Variants in UBA6 observed in about 807,000 individuals in gnomAD.
UBA6 encodes ubiquitin-like modifier-activating enzyme 6.
In UBA6, 87 loss-of-function variants were observed where a neutral mutation model predicts 148.3. The observed-to-expected ratio is 0.59, with a 90% CI of 0.49 to 0.70. The LOEUF (loss-of-function observed/expected upper bound fraction) is 0.70, where lower values mean the gene tolerates loss of function less well. Ranked by LOEUF, UBA6 falls within the 30% of genes least tolerant of loss-of-function variation. The probability of loss-of-function intolerance (pLI) is 0.00; values close to 1 mark genes in which losing one functional copy is unlikely to be tolerated. For synonymous variants in UBA6, 376 were observed against 401.0 expected, an observed-to-expected ratio of 0.94 and a Z score of 0.75; for missense variants, 1,186 against 1,241.2, an observed-to-expected ratio of 0.96 and a Z score of 0.67.
chr4:67,631,703 CTTACA>C lies in UBA6; in HGVS notation c.2258_2258+4del. The stretch of plus-strand genomic sequence containing the variant: ...GGATACATAAAACTAAATATAAATA[CTTACA>C]AAGGCTCATTTAAATCAAATTTTAT... On this transcript the variant is annotated splice_donor_variant and splice_donor_region_variant and coding_sequence_variant and intron_variant, in exon 25 of 33. Transcript: ENST00000322244. LOFTEE classifies it high-confidence loss of function. 1 of 1,596,938 alleles carries C rather than the reference CTTACA, an allele frequency of 6.3e-7. No homozygotes were observed. The highest frequency in any genetic ancestry group is 2.1e-4 in the Middle Eastern group (1 of 4,822).
In UBA6 at chr4:67,677,825, A is replaced by C. The variant is rs1277313441; in HGVS notation, c.354-103T>G. ...ATCAGAGGAACCTGACATGTTACAA[A>C]ATTTCAATGGAAACTTACCTTGTAG... On this transcript the variant is annotated intron_variant, in intron 5 of 32. Transcript: ENST00000322244. 5.4e-6 allele frequency: 3 copies of C among 556,194 alleles called. No homozygotes were observed. The African/African-American group carries it at 5.9e-5, about 11-fold the overall frequency. 34.5% of individuals were successfully genotyped at this position (556,194 alleles called of 1,614,324 possible).
intron 1 of UBA6, among the ~76,000 whole-genome samples, chr4:67,700,515 AT>A (rs896800421): frequency 3.4e-5 from 5 of 145,030 alleles, no homozygotes; most frequent in South Asian, 4.4e-4. Flanking sequence ...TAACTTGTGT[AT>A]TTTTTTTTCC....
chr4:67,677,316 T>C (rs1730305720), intron 6 of UBA6, among the ~76,000 whole-genome samples: 1 of 152,150 alleles, frequency 6.6e-6, no homozygotes, highest in African/African-American at 2.4e-5. Flanking sequence ...CCAACTGACA[T>C]ATTCAGGTAC....
At chr4:67,658,755 A>C (rs1183425503) in intron 13 of UBA6, among the ~76,000 whole-genome samples, 4 of 152,216 alleles carry the variant, frequency 2.6e-5, no homozygotes, top group African/African-American at 9.6e-5. Flanking sequence ...TAGTGATAGA[A>C]ACCAGACTCA....
chr4:67,673,639 A>T, intron 7 of UBA6, 58 bp downstream of exon 7: 1 of 1,166,122 alleles, frequency 8.6e-7, no homozygotes, highest in Non-Finnish European at 1.3e-6. Context: ...TAAAAATTCT[A>T]CTAGTGAAAG....
At chr4:67,697,260 G>A (rs915231771) in intron 1 of UBA6, among the ~76,000 whole-genome samples, 7 of 152,156 alleles carry the variant, frequency 4.6e-5, no homozygotes, top group African/African-American at 9.7e-5. Flanking sequence ...CCGCCTCAGC[G>A]TCCCAAAGTG....
chr4:67,667,306 A>T (rs1730027323), intron 9 of UBA6, among the ~76,000 whole-genome samples: 1 of 152,232 alleles, frequency 6.6e-6, no homozygotes, highest in Non-Finnish European at 1.5e-5. Context: ...CATGCATGCT[A>T]AAATTACAAA....
rs769649769 is a variant in UBA6, at chr4:67,694,215, C to CAA, written c.134+2428_134+2429dup. On this transcript the variant is annotated intron_variant, in intron 2 of 32. Coordinates refer to ENST00000322244, the MANE Select transcript of UBA6 (RefSeq NM_018227.6). Reference sequence around the variant, plus strand: ...TGGATGACAGAGCAAGACTCCATCTCAAAAAAAAAAAAAAAAAAAAAAAAA... The same window carrying CAA: ...TGGATGACAGAGCAAGACTCCATCTCAAAAAAAAAAAAAAAAAAAAAAAAAAA... Among the ~76,000 whole-genome samples, 56 of 41,870 alleles carry CAA rather than the reference C, an allele frequency of 1.3e-3. 4 individuals carry two copies. The highest frequency in any genetic ancestry group is 1.6e-3 in the African/African-American group (16 of 10,292). 27.5% of individuals were successfully genotyped at this position (41,870 alleles called of 152,430 possible).
intron 2 of UBA6, among the ~76,000 whole-genome samples, chr4:67,684,220 G>T (rs1431853637): frequency 6.6e-6 from 1 of 152,140 alleles, no homozygotes; most frequent in African/African-American, 2.4e-5. Flanking sequence ...CATGCTTACA[G>T]GGCTGGCCCT....
chr4:67,693,503 G>A (rs2109960158), intron 2 of UBA6, among the ~76,000 whole-genome samples: 1 of 152,234 alleles, frequency 6.6e-6, no homozygotes, highest in South Asian at 2.1e-4. Context: ...AGGGTGGTAG[G>A]GGAGTTGGCA....
chr4:67,626,581 A>C, intron 27 of UBA6, 104 bp from the exon 28 acceptor site: 1 of 717,440 alleles, frequency 1.4e-6, no homozygotes, highest in Non-Finnish European at 2.3e-6. Flanking sequence ...TATTTTCTCT[A>C]TATATTTTGA....
intron 4 of UBA6, among the ~76,000 whole-genome samples, chr4:67,680,179 A>T (rs895200698): frequency 1.3e-5 from 2 of 152,160 alleles, no homozygotes; most frequent in Non-Finnish European, 2.9e-5. Context: ...CATGACTGGA[A>T]TTTTTTTCTA....
chr4:67,636,653 C>T (rs1004482699), intron 19 of UBA6, among the ~76,000 whole-genome samples: 19 of 152,378 alleles, frequency 1.2e-4, no homozygotes, highest in South Asian at 6.2e-4. Flanking sequence ...CTCGGCCTCC[C>T]GAAGTGCTGG....
intron 19 of UBA6, among the ~76,000 whole-genome samples, chr4:67,637,140 G>C (rs1404608600): frequency 2.0e-5 from 3 of 151,460 alleles, no homozygotes; most frequent in African/African-American, 7.3e-5. Flanking sequence ...GGGAAGTGAG[G>C]AGCGTCTCCG....
chr4:67,620,025 T>A (rs354886), intron 32 of UBA6, among the ~76,000 whole-genome samples: 1,837 of 152,308 alleles, frequency 0.012, 40 homozygotes, highest in African/African-American at 0.042. Context: ...GGCTCTGAAC[T>A]ATATCGATTT....
intron 13 of UBA6, among the ~76,000 whole-genome samples, chr4:67,657,947 CTCA>C: frequency 6.6e-6 from 1 of 152,106 alleles, no homozygotes; most frequent in African/African-American, 2.4e-5. Flanking sequence ...TGCAAAAATG[CTCA>C]TCATCACTGG....
At chr4:67,635,080 GT>G (rs113675887) in intron 20 of UBA6, among the ~76,000 whole-genome samples, 23,154 of 151,936 alleles carry the variant, frequency 0.15, 1,836 homozygotes, top group South Asian at 0.22. Context: ...AGGTTTATTG[GT>G]TTACCTAATC....
At chr4:67,680,952 C>G (rs996040377) in intron 4 of UBA6, among the ~76,000 whole-genome samples, 4 of 152,112 alleles carry the variant, frequency 2.6e-5, no homozygotes, top group African/African-American at 9.7e-5. Flanking sequence ...ACCACATGAG[C>G]CAGCTTGGGA....
At chr4:67,637,731 C>T (rs1346828725) in intron 19 of UBA6, among the ~76,000 whole-genome samples, 3 of 151,996 alleles carry the variant, frequency 2.0e-5, no homozygotes, top group Non-Finnish European at 2.9e-5. Context: ...AAACAGATGC[C>T]TGAAGGCAGC....
Sources: allele counts gnomAD v4.1 joint callset (sites outside exome capture counted in the v4.1 genomes callset), GRCh38; gene constraint gnomAD v4.1.1; transcripts MANE v1.5; gene names NCBI Gene and HGNC (gene_info 2026-07-23, HGNC 2026-07-21).